The following TRAK2 variants were observed in gnomAD, a reference collection of about 807,000 sequenced individuals.
The protein encoded by TRAK2 is trafficking kinesin-binding protein 2.
TRAK2 carries 81 observed loss-of-function variants against 104.6 expected under a neutral mutation model. The ratio of observed to expected loss-of-function variants is 0.77; its 90% CI spans 0.65 to 0.93. The LOEUF (loss-of-function observed/expected upper bound fraction) is 0.93, where lower values mean the gene tolerates loss of function less well. TRAK2 is among the 40% of genes least tolerant of loss of function. The probability of loss-of-function intolerance (pLI) is 0.00; values close to 1 mark genes in which losing one functional copy is unlikely to be tolerated. For synonymous variants in TRAK2, 406 were observed against 394.4 expected, an observed-to-expected ratio of 1.03 and a Z score of -0.35; for missense variants, 1,002 against 1,089.0, an observed-to-expected ratio of 0.92 and a Z score of 1.12.
chr2:201,424,886 C>T (rs1170105049), intron 1 of TRAK2, among the ~76,000 whole-genome samples: 1 of 151,980 alleles, frequency 6.6e-6, no homozygotes, highest in African/African-American at 2.4e-5. Flanking sequence ...GGATTACAGG[C>T]GTGAGCCACT....
intron 4 of TRAK2, 71 bp from the exon 5 acceptor site, chr2:201,399,564 G>A: frequency 1.8e-6 from 2 of 1,133,588 alleles, no homozygotes; most frequent in Non-Finnish European, 2.6e-6. Flanking sequence ...AAATTTTGTG[G>A]TCAGTTTTGG....
intron 1 of TRAK2, among the ~76,000 whole-genome samples, chr2:201,438,596 A>G (rs964249728): frequency 6.6e-6 from 1 of 152,212 alleles, no homozygotes; most frequent in Non-Finnish European, 1.5e-5. Flanking sequence ...CTTTACTAGC[A>G]AGGGACTGGA....
intron 1 of TRAK2, among the ~76,000 whole-genome samples, chr2:201,434,147 C>CG (rs1395449695): frequency 1.3e-5 from 2 of 151,966 alleles, no homozygotes; most frequent in African/African-American, 4.8e-5. Flanking sequence ...TTAGTAGAGA[C>CG]GGGGTTTCAC....
intron 2 of TRAK2, among the ~76,000 whole-genome samples, chr2:201,419,903 CTAAA>C (rs1951725334): frequency 1.3e-5 from 2 of 152,214 alleles, no homozygotes; most frequent in African/African-American, 2.4e-5. Context: ...AGTATTCAAA[CTAAA>C]TGAGTTAAGT....
At chr2:201,434,249 G>T (rs770051119) in intron 1 of TRAK2, among the ~76,000 whole-genome samples, 1 of 152,068 alleles carries the variant, frequency 6.6e-6, no homozygotes, top group Non-Finnish European at 1.5e-5. Context: ...GAGCCACTGC[G>T]CCCGGCCCAT....
At position 201,381,091 on chromosome 2, in the gene TRAK2, T is replaced by C; in HGVS notation, c.2197A>G (p.Thr733Ala). ...ESITNRRDST[T>A]TFSSTMSLAK... ...AAGCTCATGGTGCTACTGAAGGTTG[T>C]AGTGGAATCTCGTCGGTTGGTGATG... Residue 733 changes from threonine to alanine, a missense_variant, in exon 16 of 16, where the codon ACA (threonine) becomes GCA (alanine). By Grantham distance (58) the Thr-to-Ala change is moderately conservative. Coordinates refer to ENST00000332624, the MANE Select transcript of TRAK2 (RefSeq NM_015049.3). 4 of 1,613,908 alleles carry C rather than the reference T, an allele frequency of 2.5e-6. No homozygotes were observed. In the East Asian group the frequency reaches 6.7e-5, roughly 27 times the overall value.
intron 14 of TRAK2, among the ~76,000 whole-genome samples, 173 bp from the exon 15 acceptor site, chr2:201,384,389 T>A (rs189342057): frequency 8.5e-5 from 13 of 152,316 alleles, no homozygotes; most frequent in Non-Finnish European, 1.2e-4. Context: ...TATCAACTGG[T>A]TAGTATATAG....
At chr2:201,396,383 T>C (rs1951501828) in intron 7 of TRAK2, among the ~76,000 whole-genome samples, 1 of 152,154 alleles carries the variant, frequency 6.6e-6, no homozygotes. Flanking sequence ...CCCAAATGAA[T>C]TGATGTGATA....
chr2:201,406,685 T>C (rs900534720), intron 3 of TRAK2, among the ~76,000 whole-genome samples: 1 of 152,232 alleles, frequency 6.6e-6, no homozygotes, highest in Non-Finnish European at 1.5e-5. Context: ...GCTTTTATTA[T>C]AAATTCTAAC....
At chr2:201,423,822 A>C (rs1437191745) in intron 1 of TRAK2, among the ~76,000 whole-genome samples, 1 of 152,200 alleles carries the variant, frequency 6.6e-6, no homozygotes, top group Non-Finnish European at 1.5e-5. Flanking sequence ...ATAGTCATTT[A>C]TTCCAAGTGT....
intron 3 of TRAK2, among the ~76,000 whole-genome samples, chr2:201,402,410 C>A (rs1951557712): frequency 6.6e-6 from 1 of 151,900 alleles, no homozygotes; most frequent in Non-Finnish European, 1.5e-5. Flanking sequence ...TAGCCTTATT[C>A]CTAGTTAAAA....
chr2:201,448,939 G>A (rs890890320), intron 1 of TRAK2, among the ~76,000 whole-genome samples: 5 of 151,990 alleles, frequency 3.3e-5, no homozygotes, highest in African/African-American at 7.3e-5. Flanking sequence ...CTCCTGCCTC[G>A]GGCTCTCAAA....
chr2:201,443,235 A>G (rs1259670659), intron 1 of TRAK2, among the ~76,000 whole-genome samples: 1 of 152,120 alleles, frequency 6.6e-6, no homozygotes, highest in Non-Finnish European at 1.5e-5. Flanking sequence ...ATTTCATCCT[A>G]AACCACCCTC....
At chr2:201,440,907 T>C (rs1379556546) in intron 1 of TRAK2, among the ~76,000 whole-genome samples, 1 of 152,198 alleles carries the variant, frequency 6.6e-6, no homozygotes, top group African/African-American at 2.4e-5. Flanking sequence ...CCACTAGTCA[T>C]TCTTCCCTCA....
Position 201,386,225 on chromosome 2 carries a change from TG to T in TRAK2, c.1955del (p.Pro652GlnfsTer59). The T allele has an allele frequency of 6.2e-7, 1 of 1,614,170 alleles. No homozygotes were observed. Among genetic ancestry groups the T allele is most frequent in the Non-Finnish European group, 8.5e-7 (1 of 1,179,990 alleles). On this transcript the variant is annotated frameshift_variant, in exon 14 of 16. Coordinates refer to ENST00000332624, the MANE Select transcript of TRAK2 (RefSeq NM_015049.3). LOFTEE classifies it high-confidence loss of function. ...ACCAGACACTCTTCTCACCTGTAAC[TG>T]GTCCACCTGCTGAAGTAATGGGTGG... ...FLPPITSAGG[P>X]VTVATANPGK...
intron 1 of TRAK2, among the ~76,000 whole-genome samples, chr2:201,442,560 G>A (rs1951934534): frequency 6.6e-6 from 1 of 152,130 alleles, no homozygotes; most frequent in Non-Finnish European, 1.5e-5. Context: ...TGTGGAATAG[G>A]GATGAGGCAA....
intron 1 of TRAK2, among the ~76,000 whole-genome samples, chr2:201,423,149 A>C (rs959186165): frequency 6.6e-6 from 1 of 150,602 alleles, no homozygotes; most frequent in African/African-American, 2.4e-5. Context: ...ATCATAGCTC[A>C]CTATAGCCTT....
chr2:201,446,870 T>C lies in TRAK2; in HGVS notation c.-200+4480A>G, dbSNP rs1455379573. On this transcript the variant is annotated intron_variant, in intron 1 of 15. Transcript: ENST00000332624. The stretch of plus-strand genomic sequence containing the variant: ...TAGTTGTATAAAGCTTTATGATCTA[T>C]ACAAGGAAAAGCAAAATGTCAAAAT... Among the ~76,000 whole-genome samples, 3 of 152,234 alleles carry C rather than the reference T, an allele frequency of 2.0e-5. No homozygotes were observed. In the South Asian group the frequency reaches 6.2e-4, roughly 32 times the overall value.
At chr2:201,443,054 A>G (rs1951938005) in intron 1 of TRAK2, among the ~76,000 whole-genome samples, 1 of 152,084 alleles carries the variant, frequency 6.6e-6, no homozygotes, top group Admixed American at 6.6e-5. Context: ...TGGCTTATTA[A>G]ACATGCTCAA....
Sources: allele counts gnomAD v4.1 joint callset (sites outside exome capture counted in the v4.1 genomes callset), GRCh38; gene constraint gnomAD v4.1.1; transcripts MANE v1.5; gene names NCBI Gene and HGNC (gene_info 2026-07-23, HGNC 2026-07-21).